Variants in CHLSN observed in about 807,000 individuals in gnomAD.
CHLSN encodes the protein cholesin.
At chr7:1,058,906 AG>A in the CHLSN span, 1 of 202,808 alleles carries the variant, frequency 4.9e-6, no homozygotes, top group Non-Finnish European at 1.1e-5. Flanking sequence ...GATGTTTCCT[AG>A]AAAAATGACA....
At chr7:1,058,588 A>G in the CHLSN span, 11 of 669,374 alleles carry the variant, frequency 1.6e-5, no homozygotes, top group Non-Finnish European at 2.2e-5. Flanking sequence ...GACGCTCCCC[A>G]CATCCTTCCA....
the CHLSN span, among the ~76,000 whole-genome samples, chr7:1,102,161 A>G: frequency 2.6e-5 from 4 of 152,244 alleles, no homozygotes; most frequent in African/African-American, 9.6e-5. Flanking sequence ...GCCAGAAAAG[A>G]AAAACACACA....
chr7:1,112,540 A>G, the CHLSN span, among the ~76,000 whole-genome samples: 1 of 152,176 alleles, frequency 6.6e-6, no homozygotes, highest in Admixed American at 6.5e-5. Flanking sequence ...CCCCACATGA[A>G]GCCAGGAAAG....
the CHLSN span, among the ~76,000 whole-genome samples, chr7:1,016,482 A>C: frequency 2.2e-5 from 3 of 136,102 alleles, no homozygotes; most frequent in Non-Finnish European, 4.7e-5. Context: ...GCAGCACAGC[A>C]GCACACAGCA....
At chr7:1,134,224 G>C in the CHLSN span, among the ~76,000 whole-genome samples, 2 of 150,654 alleles carry the variant, frequency 1.3e-5, no homozygotes, top group South Asian at 4.2e-4. Context: ...AGTGAATCAC[G>C]ATCACGCCAT....
At chr7:1,016,934 A>ACACAGCAGCG in the CHLSN span, among the ~76,000 whole-genome samples, 3 of 61,158 alleles carry the variant, frequency 4.9e-5, no homozygotes, top group Admixed American at 3.4e-4. Context: ...ACACAGCAGC[A>ACACAGCAGCG]CACGCCAGCA....
the CHLSN span, among the ~76,000 whole-genome samples, chr7:979,555 C>T: frequency 6.6e-6 from 1 of 152,058 alleles, no homozygotes; most frequent in South Asian, 2.1e-4. Context: ...AGTTCAAGAC[C>T]AGCCTGGCCA....
the CHLSN span, chr7:997,875 C>T: frequency 5.6e-6 from 8 of 1,424,724 alleles, no homozygotes; most frequent in African/African-American, 4.4e-5. Context: ...GGAGACAAGA[C>T]GCTGCAGCCA....
the CHLSN span, among the ~76,000 whole-genome samples, chr7:1,063,988 G>T: frequency 6.6e-6 from 1 of 152,144 alleles, no homozygotes; most frequent in East Asian, 1.9e-4. Context: ...CTGCAGAGGT[G>T]GGGGGCAGGG....
chr7:1,045,710 C>T, the CHLSN span: 1 of 152,248 alleles, frequency 6.6e-6, no homozygotes, highest in African/African-American at 2.4e-5. Flanking sequence ...GGCCTGGCTC[C>T]CCAACCAGAA....
the CHLSN span, among the ~76,000 whole-genome samples, chr7:1,136,399 A>AACAT: frequency 3.6e-5 from 4 of 112,326 alleles, 1 homozygote; most frequent in African/African-American, 1.6e-4. Context: ...CATATATATA[A>AACAT]ATATATATAA....
At chr7:1,030,225 C>T in the CHLSN span, among the ~76,000 whole-genome samples, 29 of 152,316 alleles carry the variant, frequency 1.9e-4, no homozygotes, top group Admixed American at 1.7e-3. Flanking sequence ...ACGACCCACG[C>T]ATCCACCCAC....
At chr7:1,112,801 G>A in the CHLSN span, among the ~76,000 whole-genome samples, 1 of 152,164 alleles carries the variant, frequency 6.6e-6, no homozygotes, top group Non-Finnish European at 1.5e-5. Flanking sequence ...ACGCAAAACG[G>A]CACGGCCACT....
the CHLSN span, among the ~76,000 whole-genome samples, chr7:989,976 G>A: frequency 8.6e-6 from 1 of 116,746 alleles, no homozygotes; most frequent in African/African-American, 3.6e-5. Context: ...TGAGTGGCGC[G>A]TGTGCTGGGG....
the CHLSN span, among the ~76,000 whole-genome samples, chr7:1,077,306 C>T: frequency 1.3e-5 from 2 of 152,276 alleles, no homozygotes; most frequent in African/African-American, 4.8e-5. Flanking sequence ...CAGGCTTCCA[C>T]CACCAAGCCT....
At chr7:987,118 C>G in the CHLSN span, 1 of 1,559,848 alleles carries the variant, frequency 6.4e-7, no homozygotes, top group South Asian at 1.2e-5. Context: ...GGGATGACCC[C>G]GAGGGCCTGT....
chr7:1,009,122 A>G, the CHLSN span, among the ~76,000 whole-genome samples: 1 of 152,154 alleles, frequency 6.6e-6, no homozygotes, highest in South Asian at 2.1e-4. Flanking sequence ...GCACAGCCAC[A>G]CTGGGGGTCA....
the CHLSN span, chr7:1,044,556 G>C: frequency 5.3e-5 from 8 of 151,094 alleles, no homozygotes; most frequent in African/African-American, 1.7e-4. Flanking sequence ...GGTCACGTGT[G>C]TACACAGGGC....
At chr7:997,696 C>T in the CHLSN span, 2 of 1,611,326 alleles carry the variant, frequency 1.2e-6, no homozygotes, top group Non-Finnish European at 1.7e-6. Flanking sequence ...GAGCCCTCCT[C>T]ATCCAGCTCC....
Sources: gnomAD v4.1 joint callset for allele counts (sites outside exome capture counted in the v4.1 genomes callset) on GRCh38, gnomAD v4.1.1 for gene constraint, MANE v1.5 for transcripts, NCBI Gene and HGNC (gene_info 2026-07-23, HGNC 2026-07-21) for gene names.